NHS: variants seen among roughly 807,000 people sequenced by gnomAD.
The protein encoded by NHS is actin remodeling regulator NHS.
In NHS, 5 loss-of-function variants were observed where a neutral mutation model predicts 72.5. The ratio of observed to expected loss-of-function variants is 0.07; its 90% CI spans 0.04 to 0.14. NHS has a LOEUF of 0.14. NHS is among the 10% of genes least tolerant of loss of function. The pLI, the probability that NHS is intolerant of heterozygous loss-of-function variation, is 1.00. For missense variants in NHS, 1,072 were observed against 1,355.7 expected, an observed-to-expected ratio of 0.79 and a Z score of 3.29; for synonymous variants, 464 against 547.7, an observed-to-expected ratio of 0.85 and a Z score of 2.13.
rs974324841 is a variant in NHS at position 17,553,637 on chromosome X, C to A, written c.566-134105C>A. 1.3e-4 allele frequency among the ~76,000 whole-genome samples: 14 copies of A among 111,467 alleles called. No individual in the cohort carries two copies. The East Asian group carries it at 1.4e-3, about 11-fold the overall frequency. On this transcript the variant is annotated intron_variant, in intron 1 of 8. Transcript: ENST00000676302. ...GATCTGATTTATTAGTGAAAAAAAA[C>A]CAACTACAAACTTTTCCTGGCCTCA... is the stretch of plus-strand genomic sequence containing the variant.
rs554552712 is a variant in NHS, at chrX:17,389,586, CTTAT to C, written c.565+13291_565+13294del. ...CTTAGAAGTAGGAGCCTTTTATTTT[CTTAT>C]TTATTTATTTATTTATTTATTTATT... is the stretch of plus-strand genomic sequence containing the variant. On this transcript the variant is annotated intron_variant, in intron 1 of 8. Coordinates refer to ENST00000676302, the MANE Select transcript of NHS (RefSeq NM_001291867.2). Among the ~76,000 whole-genome samples the C allele has an allele frequency of 2.6e-4, 27 of 102,336 alleles. 1 individual carries two copies. Among genetic ancestry groups the C allele is most frequent in the East Asian group, 2.5e-3 (8 of 3,221 alleles). 88.9% of individuals were successfully genotyped at this position (102,336 alleles called of 115,157 possible). A position where few individuals can be genotyped will look rare whatever the true frequency, so the allele number is the denominator to read the frequency against.
intron 1 of NHS, among the ~76,000 whole-genome samples, chrX:17,476,338 G>C (rs1351075738): frequency 9.0e-6 from 1 of 111,623 alleles, no homozygotes; most frequent in Non-Finnish European, 1.9e-5. Context: ...GTAGTAAATG[G>C]TGAGGACAGT....
Position 17,725,482 on chromosome X carries a change from C to G in NHS, c.1376C>G (p.Pro459Arg), listed in dbSNP as rs184526597. Reference sequence around the variant, plus strand: ...ACCGAGGATATTCTGATTGCTGCCCCATCCAGAAGGAGAATCAGAGCTCAA... The same window carrying G: ...ACCGAGGATATTCTGATTGCTGCCCGATCCAGAAGGAGAATCAGAGCTCAA... Reference protein sequence around the residue: ...CQTEDILIAAPSRRRIRAQRG... With the variant: ...CQTEDILIAARSRRRIRAQRG... Residue 459 changes from proline to arginine, a missense_variant, in exon 7 of 9, where the codon CCA (proline) becomes CGA (arginine). Transcript: ENST00000676302. 8.3e-7 allele frequency: 1 copy of G among 1,209,696 alleles called. No homozygotes were observed. Among genetic ancestry groups the G allele is most frequent in the Non-Finnish European group, 1.1e-6 (1 of 895,218 alleles).
chrX:17,590,581 A>G (rs2065598538), intron 1 of NHS, among the ~76,000 whole-genome samples: 1 of 112,100 alleles, frequency 8.9e-6, no homozygotes. Context: ...AAATGGAAAA[A>G]TGACTGGCAG....
chrX:17,438,475 G>A (rs1275751725), intron 1 of NHS, among the ~76,000 whole-genome samples: 1 of 111,738 alleles, frequency 8.9e-6, no homozygotes, highest in African/African-American at 3.3e-5. Context: ...TAAAGGAGGT[G>A]GGGAAGGTGC....
At chrX:17,633,274 G>C (rs1196052381) in intron 1 of NHS, among the ~76,000 whole-genome samples, 1 of 111,642 alleles carries the variant, frequency 9.0e-6, no homozygotes, top group East Asian at 2.8e-4. Context: ...AACAAGTCCT[G>C]CTGATCTCTT....
At chrX:17,444,411 T>G (rs747714058) in intron 1 of NHS, among the ~76,000 whole-genome samples, 23 of 111,621 alleles carry the variant, frequency 2.1e-4, no homozygotes, top group Non-Finnish European at 3.8e-4. Flanking sequence ...AAGAAGTGCT[T>G]CTCTAAGCCA....
intron 1 of NHS, among the ~76,000 whole-genome samples, chrX:17,655,028 T>C (rs2065946029): frequency 8.9e-6 from 1 of 112,302 alleles, no homozygotes; most frequent in Admixed American, 9.4e-5. Context: ...TTTTTCAGCC[T>C]GGGCAGGGTG....
At chrX:17,689,777 T>G (rs2066184722) in intron 2 of NHS, among the ~76,000 whole-genome samples, 1 of 112,218 alleles carries the variant, frequency 8.9e-6, no homozygotes, top group Admixed American at 9.4e-5. Context: ...CACCAAATCC[T>G]TTCTCAGGTC....
At chrX:17,707,627 G>A (rs759029582) in intron 3 of NHS, among the ~76,000 whole-genome samples, 1 of 110,895 alleles carries the variant, frequency 9.0e-6, no homozygotes, top group Non-Finnish European at 1.9e-5. Flanking sequence ...TTTCTATCAG[G>A]AAGAAAAAAA....
intron 1 of NHS, among the ~76,000 whole-genome samples, chrX:17,431,078 A>G (rs926110627): frequency 8.9e-6 from 1 of 111,812 alleles, no homozygotes; most frequent in Admixed American, 9.5e-5. Flanking sequence ...TTATTGTCCC[A>G]TGAGGTCTGA....
Position 17,726,515 on chromosome X carries a change from C to T in NHS, c.2409C>T (p.His803=). The T allele has an allele frequency of 8.3e-7, 1 of 1,211,997 alleles. No individual in the cohort carries two copies. The highest frequency in any genetic ancestry group is 2.2e-5 in the Admixed American group (1 of 46,096). The part of the protein sequence containing the change: ...GLKGNKSYVC[H]YAALGPENGQ... ...AAGGTAATAAGAGCTATGTCTGTCA[C>T]TATGCAGCCCTGGGCCCAGAGAATG... Residue 803 remains histidine (H), a synonymous_variant, in exon 7 of 9, where the codon CAC becomes CAT. Transcript: ENST00000676302.
At chrX:17,406,287 C>T (rs1201087564) in intron 1 of NHS, among the ~76,000 whole-genome samples, 1 of 111,698 alleles carries the variant, frequency 9.0e-6, no homozygotes, top group Non-Finnish European at 1.9e-5. Context: ...CCACCCCAAA[C>T]CCCCTTGTCC....
chrX:17,517,592 A>C (rs977746857), intron 1 of NHS, among the ~76,000 whole-genome samples: 1 of 111,619 alleles, frequency 9.0e-6, no homozygotes, highest in African/African-American at 3.3e-5. Flanking sequence ...TTGGGCTGCT[A>C]TCTGCCTCAA....
intron 1 of NHS, among the ~76,000 whole-genome samples, chrX:17,639,144 C>A (rs2065867110): frequency 8.9e-6 from 1 of 111,906 alleles, no homozygotes; most frequent in East Asian, 2.8e-4. Context: ...TCCTGGCTAC[C>A]CAGCTGGGTT....
At chrX:17,477,234 T>A (rs1483074628) in intron 1 of NHS, among the ~76,000 whole-genome samples, 1 of 111,771 alleles carries the variant, frequency 8.9e-6, no homozygotes, top group Non-Finnish European at 1.9e-5. Flanking sequence ...AAGGAAAGCC[T>A]CACGGAGAAG....
At chrX:17,410,781 T>A in intron 1 of NHS, among the ~76,000 whole-genome samples, 1 of 111,306 alleles carries the variant, frequency 9.0e-6, no homozygotes, top group Non-Finnish European at 1.9e-5. Context: ...TGCTCCAAAA[T>A]TTTGCCTTTG....
At chrX:17,550,098 C>G (rs2065324438) in intron 1 of NHS, among the ~76,000 whole-genome samples, 1 of 111,742 alleles carries the variant, frequency 8.9e-6, no homozygotes. Flanking sequence ...TACCCAAAGC[C>G]TTCAAAGACA....
At position 17,376,107 on chromosome X, in the gene NHS, C is replaced by A; in HGVS notation, c.350C>A (p.Ala117Asp). ...GEASSAAAAA[A>D]VLLMLDLCAV... Reference sequence around the variant, plus strand: ...GCGTCCTCGGCGGCGGCGGCGGCGGCCGTGCTGCTCATGCTGGACCTATGC... The same window carrying A: ...GCGTCCTCGGCGGCGGCGGCGGCGGACGTGCTGCTCATGCTGGACCTATGC... Residue 117 changes from alanine (A) to aspartate (D), a missense_variant, in exon 1 of 9, where the codon GCC becomes GAC. By Grantham distance (126) the Ala-to-Asp change is moderately radical. Coordinates refer to ENST00000676302, the MANE Select transcript of NHS (RefSeq NM_001291867.2). 1 of 1,111,391 alleles carries A rather than the reference C, an allele frequency of 9.0e-7. No individual in the cohort carries two copies. Among genetic ancestry groups the A allele is most frequent in the African/African-American group, 1.9e-5 (1 of 53,022 alleles). The allele number at this position is 1,111,391 out of a possible 1,213,427, so 91.6% of individuals were successfully genotyped here. A position where few individuals can be genotyped will look rare whatever the true frequency, so the allele number is the denominator to read the frequency against.
Sources: gnomAD v4.1 joint callset for allele counts (sites outside exome capture counted in the v4.1 genomes callset) on GRCh38, gnomAD v4.1.1 for gene constraint, MANE v1.5 for transcripts, NCBI Gene and HGNC (gene_info 2026-07-23, HGNC 2026-07-21) for gene names.